The following TBC1D8B variants were observed in gnomAD, a reference collection of about 807,000 sequenced individuals.
TBC1D8B encodes the protein RP11-321G1.1.
In TBC1D8B, 75 loss-of-function variants were observed where a neutral mutation model predicts 82.9. That is an observed-to-expected ratio of 0.90 (90% confidence interval 0.75 to 1.10). The LOEUF is 1.10. Among genes scored for constraint, TBC1D8B ranks in the 50% least tolerant of loss-of-function variants. TBC1D8B has a pLI of 0.00. For synonymous variants in TBC1D8B, 276 were observed against 276.8 expected, an observed-to-expected ratio of 1.00 and a Z score of 0.03; for missense variants, 794 against 796.9, an observed-to-expected ratio of 1.00 and a Z score of 0.04.
At chrX:106,842,204 T>C (rs1440241616) in intron 10 of TBC1D8B, among the ~76,000 whole-genome samples, 2 of 110,413 alleles carry the variant, frequency 1.8e-5, no homozygotes, top group Admixed American at 1.9e-4. Context: ...TATTTTAGGA[T>C]CTCTGAAAGG....
At chrX:106,861,581 T>C (rs1289964566) in intron 14 of TBC1D8B, among the ~76,000 whole-genome samples, 1 of 111,877 alleles carries the variant, frequency 8.9e-6, no homozygotes, top group Non-Finnish European at 1.9e-5. Flanking sequence ...CTTGGTAGAT[T>C]CTTCCTCAAC....
At chrX:106,839,513 A>T in intron 8 of TBC1D8B, 56 bp downstream of exon 8, 2 of 1,068,322 alleles carry the variant, frequency 1.9e-6, no homozygotes, top group Non-Finnish European at 2.5e-6. Context: ...AAAAGTAAAA[A>T]TCTTAAAAGC....
At chrX:106,864,495 C>G (rs1218075588) in intron 14 of TBC1D8B, among the ~76,000 whole-genome samples, 1 of 107,381 alleles carries the variant, frequency 9.3e-6, no homozygotes, top group Admixed American at 1.0e-4. Context: ...CATATTGGCC[C>G]CTCCCATGCT....
intron 10 of TBC1D8B, among the ~76,000 whole-genome samples, chrX:106,842,603 CTA>C (rs1932335985): frequency 2.0e-4 from 1 of 5,071 alleles, no homozygotes; most frequent in African/African-American, 1.2e-3. Flanking sequence ...CTAGCTTGCT[CTA>C]TCTATCTATC....
intron 1 of TBC1D8B, chrX:106,814,006 C>G (rs768975743): frequency 6.5e-5 from 7 of 107,169 alleles, no homozygotes; most frequent in South Asian, 4.4e-4. Context: ...ATCCCTCCCC[C>G]CTCCCGCCAC....
intron 1 of TBC1D8B, among the ~76,000 whole-genome samples, chrX:106,807,548 A>G (rs1176582210): frequency 9.2e-6 from 1 of 108,317 alleles, no homozygotes; most frequent in Non-Finnish European, 1.9e-5. Context: ...TTTAATTCTA[A>G]TGAAAGAAAA....
intron 4 of TBC1D8B, 44 bp downstream of exon 4, chrX:106,822,246 T>C (rs1258836544): frequency 2.0e-6 from 2 of 1,000,496 alleles, no homozygotes; most frequent in Non-Finnish European, 2.7e-6. Flanking sequence ...ATTTGCTGTC[T>C]GACCTACCAA....
rs369240583 is a variant in TBC1D8B at position 106,821,006 on chromosome X, C to T, written c.360+11C>T. 165 of 1,034,592 alleles carry T rather than the reference C, an allele frequency of 1.6e-4. No homozygotes were observed. Among genetic ancestry groups the T allele is most frequent in the South Asian group, 4.0e-4 (18 of 44,624 alleles). The allele number at this position is 1,034,592 out of a possible 1,213,427, so 85.3% of individuals were successfully genotyped here. A position where few individuals can be genotyped will look rare whatever the true frequency, so the allele number is the denominator to read the frequency against. On this transcript the variant is annotated intron_variant, in intron 3 of 20. Coordinates refer to ENST00000357242, the MANE Select transcript of TBC1D8B (RefSeq NM_017752.3). The stretch of plus-strand genomic sequence containing the variant: ...CAAGGAAAAATAAGAGTAAGTGGCA[C>T]GGATATATCTTGTAGATGGAGTGCC...
At chrX:106,853,500 A>G in intron 12 of TBC1D8B, 21 bp from the exon 13 acceptor site, 7 of 1,193,352 alleles carry the variant, frequency 5.9e-6, no homozygotes, top group Non-Finnish European at 7.9e-6. Context: ...TAATTCTTGT[A>G]TTACTATCAC....
chrX:106,862,118 T>C (rs1466131558), intron 14 of TBC1D8B, among the ~76,000 whole-genome samples: 1 of 112,245 alleles, frequency 8.9e-6, no homozygotes, highest in African/African-American at 3.2e-5. Context: ...ACTGTTAGGC[T>C]AATGGGATTT....
chrX:106,857,772 T>C (rs1192726398), intron 14 of TBC1D8B, among the ~76,000 whole-genome samples: 1 of 112,698 alleles, frequency 8.9e-6, no homozygotes, highest in East Asian at 2.8e-4. Flanking sequence ...TGCATAATAT[T>C]CCATGGTGTA....
rs1932246942 is a variant in TBC1D8B at position 106,839,314 on chromosome X, A to G, written c.1210A>G (p.Ile404Val). The change falls in exon 8 of 21, where the codon ATT becomes GTT. Residue 404 changes from isoleucine to valine, a missense_variant. Transcript: ENST00000357242. ...QYHDISTELA[I>V]SSESTEPSDN... ...TACATTCTTTCTTTTTCAGCTTGCT[A>G]TTAGTTCTGAGTCTACAGAGCCATC... is the stretch of plus-strand genomic sequence containing the variant. 1 of 1,147,184 alleles carries G rather than the reference A, an allele frequency of 8.7e-7. No individual in the cohort carries two copies. Among genetic ancestry groups the G allele is most frequent in the African/African-American group, 1.8e-5 (1 of 54,744 alleles). The allele number at this position is 1,147,184 out of a possible 1,213,427, so 94.5% of individuals were successfully genotyped here. A position where few individuals can be genotyped will look rare whatever the true frequency, so the allele number is the denominator to read the frequency against.
intron 14 of TBC1D8B, among the ~76,000 whole-genome samples, chrX:106,855,552 A>G (rs139344580): frequency 3.0e-4 from 34 of 112,203 alleles, no homozygotes; most frequent in Middle Eastern, 4.6e-3. Flanking sequence ...ATATCAGTAA[A>G]TATAGATCTA....
chrX:106,829,949 CTAAT>C (rs1931988800), intron 7 of TBC1D8B: 1 of 111,287 alleles, frequency 9.0e-6, no homozygotes, highest in Non-Finnish European at 1.9e-5. Flanking sequence ...CAAATGGGAT[CTAAT>C]TAAACTAAAG....
intron 14 of TBC1D8B, among the ~76,000 whole-genome samples, chrX:106,863,126 A>G (rs991314981): frequency 2.7e-5 from 3 of 112,211 alleles, no homozygotes; most frequent in Admixed American, 9.4e-5. Context: ...GTGGCAGCAT[A>G]CACATGCATT....
chrX:106,829,348 C>T lies in TBC1D8B; in HGVS notation c.1203+2011C>T, dbSNP rs1427164114. 5 of 104,500 alleles carry T rather than the reference C, an allele frequency of 4.8e-5. No individual in the cohort carries two copies. The East Asian group carries it at 8.8e-4, about 18-fold the overall frequency. 8.6% of individuals were successfully genotyped at this position (104,500 alleles called of 1,213,427 possible). On this transcript the variant is annotated intron_variant, in intron 7 of 20. Transcript: ENST00000357242. ...GCTCATGGGTAGGAAGAATCAATAT[C>T]GTGAAAATGGCCATACTGCCCAAGG...
intron 1 of TBC1D8B, among the ~76,000 whole-genome samples, chrX:106,816,827 G>A (rs140217546): frequency 2.9e-3 from 315 of 110,374 alleles, no homozygotes; most frequent in African/African-American, 9.9e-3. Context: ...TTTCAGCTAA[G>A]CCAAATTTCT....
intron 14 of TBC1D8B, among the ~76,000 whole-genome samples, chrX:106,859,437 T>C (rs753757862): frequency 8.9e-6 from 1 of 111,899 alleles, no homozygotes; most frequent in East Asian, 2.8e-4. Context: ...CATAGTTAGC[T>C]GTATTCCTAG....
chrX:106,839,311 G>C lies in TBC1D8B; in HGVS notation c.1207G>C (p.Ala403Pro), dbSNP rs898553304. The C allele has an allele frequency of 3.5e-6, 4 of 1,133,192 alleles. No homozygotes were observed. The African/African-American group carries it at 7.4e-5, about 21-fold the overall frequency. 93.4% of individuals were successfully genotyped at this position (1,133,192 alleles called of 1,213,427 possible). A position where few individuals can be genotyped will look rare whatever the true frequency, so the allele number is the denominator to read the frequency against. The change falls in exon 8 of 21, where the codon GCT (alanine) becomes CCT (proline). Residue 403 changes from alanine (A) to proline (P), a missense_variant. By Grantham distance (27) the Ala-to-Pro change is conservative. Transcript: ENST00000357242. ...TQYHDISTEL[A>P]ISSESTEPSD... is the part of the protein sequence containing the mutation. ...AACTACATTCTTTCTTTTTCAGCTTGCTATTAGTTCTGAGTCTACAGAGCC... is the reference window on the plus strand; with the variant it reads ...AACTACATTCTTTCTTTTTCAGCTTCCTATTAGTTCTGAGTCTACAGAGCC...
Sources: allele counts gnomAD v4.1 joint callset (sites outside exome capture counted in the v4.1 genomes callset), GRCh38; gene constraint gnomAD v4.1.1; transcripts MANE v1.5; gene names NCBI Gene and HGNC (gene_info 2026-07-23, HGNC 2026-07-21).